Variants in TMEM232 observed in about 807,000 individuals in gnomAD.
The protein encoded by TMEM232 is transmembrane protein 232.
In TMEM232, 80 loss-of-function variants were observed where a neutral mutation model predicts 78.8. The observed-to-expected ratio is 1.01, with a 90% CI of 0.85 to 1.22. TMEM232 has a LOEUF of 1.22. TMEM232 is among the 50% of genes most tolerant of loss of function. The probability of loss-of-function intolerance (pLI) is 0.00; values close to 1 mark genes in which losing one functional copy is unlikely to be tolerated. For synonymous variants in TMEM232, 297 were observed against 254.3 expected, an observed-to-expected ratio of 1.17 and a Z score of -1.60; for missense variants, 881 against 742.2, an observed-to-expected ratio of 1.19 and a Z score of -2.17.
At chr5:110,413,893 A>C (rs1008979649) in intron 2 of TMEM232, among the ~76,000 whole-genome samples, 3 of 152,224 alleles carry the variant, frequency 2.0e-5, no homozygotes, top group Non-Finnish European at 4.4e-5. Flanking sequence ...CCAACAAGTA[A>C]ATACTTCAGC....
chr5:110,407,328 T>A (rs1465857749), intron 2 of TMEM232, among the ~76,000 whole-genome samples: 1 of 151,850 alleles, frequency 6.6e-6, no homozygotes, highest in Non-Finnish European at 1.5e-5. Context: ...ATGTGAAGGA[T>A]CAGAAAAAGA....
At chr5:110,512,900 T>C (rs1036121411) in intron 12 of TMEM232, among the ~76,000 whole-genome samples, 1 of 152,232 alleles carries the variant, frequency 6.6e-6, no homozygotes, top group African/African-American at 2.4e-5. Context: ...ATCATTTTAA[T>C]ACCTGTGTTA....
chr5:110,719,298 TA>T (rs760099223), intron 1 of TMEM232, among the ~76,000 whole-genome samples: 6 of 152,080 alleles, frequency 3.9e-5, no homozygotes, highest in Non-Finnish European at 8.8e-5. Context: ...CACACATATA[TA>T]ATTATGCATG....
intron 12 of TMEM232, among the ~76,000 whole-genome samples, chr5:110,527,464 T>A (rs190883896): frequency 1.3e-3 from 198 of 152,094 alleles, no homozygotes; most frequent in Admixed American, 2.2e-3. Context: ...AGGAATTGAA[T>A]AAAATTTACA....
At chr5:110,574,419 T>C (rs1385484823) in intron 10 of TMEM232, among the ~76,000 whole-genome samples, 7 of 152,090 alleles carry the variant, frequency 4.6e-5, no homozygotes, top group African/African-American at 1.4e-4. Flanking sequence ...GCCTTTGTCC[T>C]TGGCTCTGGG....
At chr5:110,534,169 A>G (rs1286302365) in intron 11 of TMEM232, among the ~76,000 whole-genome samples, 1 of 152,180 alleles carries the variant, frequency 6.6e-6, no homozygotes, top group Non-Finnish European at 1.5e-5. Flanking sequence ...AGGCCACCAC[A>G]GTCATTTCTT....
chr5:110,578,548 T>G (rs550401926), intron 10 of TMEM232, among the ~76,000 whole-genome samples: 4 of 151,888 alleles, frequency 2.6e-5, no homozygotes, highest in African/African-American at 7.2e-5. Flanking sequence ...CAGTGAAAAT[T>G]TGTTCACCTA....
intron 12 of TMEM232, among the ~76,000 whole-genome samples, chr5:110,435,304 T>A (rs920327282): frequency 6.6e-6 from 1 of 151,774 alleles, no homozygotes; most frequent in Non-Finnish European, 1.5e-5. Flanking sequence ...TTTAAACATT[T>A]AATGTTTAAA....
intron 11 of TMEM232, among the ~76,000 whole-genome samples, chr5:110,542,009 T>G (rs56135561): frequency 0.075 from 11,446 of 152,224 alleles, 544 homozygotes; most frequent in South Asian, 0.2. Context: ...ATATTGGCCA[T>G]GCCTTCTGCA....
intron 7 of TMEM232, among the ~76,000 whole-genome samples, chr5:110,619,457 G>A (rs541762528): frequency 6.6e-6 from 1 of 152,236 alleles, no homozygotes; most frequent in South Asian, 2.1e-4. Context: ...TCTACTTTAT[G>A]TCAGGAATTC....
At position 110,420,744 on chromosome 5, in the gene TMEM232, G is replaced by A; in HGVS notation, c.1810C>T (p.Leu604=). Residue 604 remains leucine, a synonymous_variant, in exon 14 of 14, where the codon CTA becomes TTA. Coordinates refer to ENST00000455884, the MANE Select transcript of TMEM232 (RefSeq NM_001039763.4). ...GCATCTTCTTTTTCTCGGATCTTTA[G>A]CTCTTCCTGCCACTGTTACAGAGAG... ...KIIDHHWQEE[L]KIREKEDAIC... 1 of 1,519,824 alleles carries A rather than the reference G, an allele frequency of 6.6e-7. No individual in the cohort carries two copies. Among genetic ancestry groups the A allele is most frequent in the Non-Finnish European group, 8.8e-7 (1 of 1,141,766 alleles). 94.1% of individuals were successfully genotyped at this position (1,519,824 alleles called of 1,614,324 possible). A position where few individuals can be genotyped will look rare whatever the true frequency, so the allele number is the denominator to read the frequency against.
chr5:110,669,435 A>C (rs917235340), intron 1 of TMEM232, among the ~76,000 whole-genome samples: 3 of 152,234 alleles, frequency 2.0e-5, no homozygotes, highest in African/African-American at 7.2e-5. Context: ...ACCAGGAAGA[A>C]GCTGAATCCC....
At chr5:110,514,137 T>G (rs573530333) in intron 12 of TMEM232, among the ~76,000 whole-genome samples, 1 of 152,310 alleles carries the variant, frequency 6.6e-6, no homozygotes, top group East Asian at 1.9e-4. Context: ...TGACCAGCAA[T>G]GCTGACAATC....
At chr5:110,668,213 C>T (rs1442558478) in intron 1 of TMEM232, among the ~76,000 whole-genome samples, 2 of 152,088 alleles carry the variant, frequency 1.3e-5, no homozygotes, top group Non-Finnish European at 2.9e-5. Flanking sequence ...TGGTTGTATT[C>T]TCAGAGACTA....
At chr5:110,457,530 T>G (rs1404674113) in intron 12 of TMEM232, among the ~76,000 whole-genome samples, 1 of 152,138 alleles carries the variant, frequency 6.6e-6, no homozygotes, top group Admixed American at 6.5e-5. Context: ...AAAATCTGTT[T>G]GTTCAAAAAC....
intron 12 of TMEM232, among the ~76,000 whole-genome samples, chr5:110,450,692 G>A (rs1345490201): frequency 1.3e-5 from 2 of 152,252 alleles, no homozygotes; most frequent in East Asian, 3.9e-4. Flanking sequence ...CTGTACCAGT[G>A]CTTTCCAGCA....
intron 7 of TMEM232, 79 bp from the exon 8 acceptor site, chr5:110,618,641 A>G: frequency 7.4e-7 from 1 of 1,355,106 alleles, no homozygotes; most frequent in South Asian, 1.5e-5. Context: ...ACAAACATGA[A>G]AATAAATTTT....
At chr5:110,482,581 C>A (rs1763992382) in intron 12 of TMEM232, among the ~76,000 whole-genome samples, 2 of 143,150 alleles carry the variant, frequency 1.4e-5, no homozygotes, top group Admixed American at 6.8e-5. Flanking sequence ...AACTCCATCT[C>A]AAAAAAAATT....
At chr5:110,578,178 C>T (rs1325235629) in intron 10 of TMEM232, among the ~76,000 whole-genome samples, 1 of 151,846 alleles carries the variant, frequency 6.6e-6, no homozygotes, top group Admixed American at 6.6e-5. Context: ...AATAAATAAA[C>T]TACAGGAATA....
Sources: gnomAD v4.1 joint callset for allele counts (sites outside exome capture counted in the v4.1 genomes callset) on GRCh38, gnomAD v4.1.1 for gene constraint, MANE v1.5 for transcripts, NCBI Gene and HGNC (gene_info 2026-07-23, HGNC 2026-07-21) for gene names.